Variants in ANKFN1 observed in about 807,000 individuals in gnomAD.
ANKFN1 encodes the protein ankyrin repeat and fibronectin type-III domain-containing protein 1.
A neutral mutation model predicts 108.7 loss-of-function variants in ANKFN1; 74 were observed. The ratio of observed to expected loss-of-function variants is 0.68; its 90% CI spans 0.56 to 0.83. ANKFN1 has a LOEUF of 0.83. Ranked by LOEUF, ANKFN1 falls within the 40% of genes least tolerant of loss-of-function variation. ANKFN1 has a pLI of 0.00. For synonymous variants in ANKFN1, 547 were observed against 516.2 expected (o/e 1.06, Z -0.81); for missense variants, 1,505 against 1,382.3 (o/e 1.09, Z -1.41).
At chr17:56,368,165 A>G (rs2046709106) in intron 6 of ANKFN1, 1 of 1,355,506 alleles carries the variant, frequency 7.4e-7, no homozygotes, top group Non-Finnish European at 9.8e-7. Flanking sequence ...ACTGATCCAG[A>G]GAATGAACCT....
chr17:56,103,679 A>C (rs1331041207), intron 4 of ANKFN1, among the ~76,000 whole-genome samples: 2 of 152,222 alleles, frequency 1.3e-5, no homozygotes, highest in Non-Finnish European at 1.5e-5. Context: ...TCTCAGGCTG[A>C]TGATAAGGAA....
intron 14 of ANKFN1, among the ~76,000 whole-genome samples, chr17:56,465,903 C>T (rs530359230): frequency 1.3e-5 from 2 of 152,270 alleles, no homozygotes; most frequent in African/African-American, 4.8e-5. Flanking sequence ...TGTCAATTCA[C>T]TTCTTCATTT....
chr17:56,262,894 C>A (rs1007667166), intron 3 of ANKFN1, among the ~76,000 whole-genome samples: 1 of 152,182 alleles, frequency 6.6e-6, no homozygotes, highest in Non-Finnish European at 1.5e-5. Flanking sequence ...ACTTTTCCCC[C>A]CTTTGTCTAT....
In ANKFN1 at chr17:56,510,696, G is replaced by A; in HGVS notation, c.2868G>A (p.Gln956=). Residue 956 remains glutamine (Q), a synonymous_variant, in exon 21 of 21, where the codon CAG becomes CAA. Coordinates refer to ENST00000682825, the MANE Select transcript of ANKFN1 (RefSeq NM_001370326.1). ...CTCTGGGGCCGGGCCAGGATCCCCA[G>A]GGCGAGGGCCCAAATCCCGATCACT... ...KTPLGPGQDP[Q]GEGPNPDHSC... 1 of 1,536,136 alleles carries A rather than the reference G, an allele frequency of 6.5e-7. No individual in the cohort carries two copies. The highest frequency in any genetic ancestry group is 1.2e-5 in the South Asian group (1 of 84,068).
intron 3 of ANKFN1, among the ~76,000 whole-genome samples, chr17:56,284,993 T>C (rs1156423049): frequency 6.6e-6 from 1 of 152,208 alleles, no homozygotes; most frequent in African/African-American, 2.4e-5. Context: ...ATGTAAAATA[T>C]ATGGCACAAG....
chr17:56,098,628 G>A (rs879277308), intron 4 of ANKFN1, among the ~76,000 whole-genome samples: 2 of 152,104 alleles, frequency 1.3e-5, no homozygotes, highest in Non-Finnish European at 2.9e-5. Context: ...ACCTAGAAAA[G>A]CACTTGGATC....
chr17:56,389,136 A>G (rs1182544789), intron 8 of ANKFN1, among the ~76,000 whole-genome samples: 2 of 152,212 alleles, frequency 1.3e-5, no homozygotes, highest in Non-Finnish European at 2.9e-5. Flanking sequence ...CTTTATACCT[A>G]ATAGCCAAAT....
At chr17:56,482,305 A>C (rs772971135) in intron 17 of ANKFN1, 51 bp from the exon 18 acceptor site, 3 of 1,465,446 alleles carry the variant, frequency 2.0e-6, no homozygotes, top group Non-Finnish European at 2.7e-6. Flanking sequence ...TGTTTATGTA[A>C]GTGCCATGTT....
chr17:56,090,238 T>C (rs1170196141), intron 4 of ANKFN1, among the ~76,000 whole-genome samples: 1 of 151,170 alleles, frequency 6.6e-6, no homozygotes, highest in Non-Finnish European at 1.5e-5. Flanking sequence ...GAGTAGCAGG[T>C]GCGGGTAAGT....
At chr17:56,227,992 T>TC in intron 3 of ANKFN1, 35 bp downstream of exon 3, 2 of 1,572,314 alleles carry the variant, frequency 1.3e-6, no homozygotes, top group Non-Finnish European at 1.7e-6. Flanking sequence ...GGTATCTACT[T>TC]CTCAGCTGTA....
At chr17:56,502,234 C>A (rs2051396625) in intron 20 of ANKFN1, among the ~76,000 whole-genome samples, 1 of 152,172 alleles carries the variant, frequency 6.6e-6, no homozygotes, top group South Asian at 2.1e-4. Flanking sequence ...CTTCTCTTGG[C>A]CACAGGGTTC....
chr17:56,284,838 AG>A (rs1200441634), intron 3 of ANKFN1, among the ~76,000 whole-genome samples: 2 of 152,166 alleles, frequency 1.3e-5, no homozygotes, highest in Non-Finnish European at 1.5e-5. Context: ...AGCCCTAAAG[AG>A]AGGCTTCATT....
intron 2 of ANKFN1, among the ~76,000 whole-genome samples, chr17:56,218,300 C>T (rs1395392186): frequency 6.8e-6 from 1 of 148,044 alleles, no homozygotes; most frequent in African/African-American, 2.5e-5. Context: ...ATAACTCCTT[C>T]TGACTATTCC....
At chr17:56,483,459 A>G (rs2050772926) in intron 18 of ANKFN1, among the ~76,000 whole-genome samples, 1 of 152,242 alleles carries the variant, frequency 6.6e-6, no homozygotes, top group Admixed American at 6.5e-5. Context: ...GGGCAACTGC[A>G]TCTGAATTTA....
intron 1 of ANKFN1, among the ~76,000 whole-genome samples, chr17:56,198,740 C>G (rs955609268): frequency 1.4e-4 from 21 of 152,110 alleles, no homozygotes; most frequent in African/African-American, 4.8e-4. Context: ...CCCCGCTGAT[C>G]TGTATTTTCT....
At chr17:56,467,924 G>A (rs1051068003) in intron 15 of ANKFN1, among the ~76,000 whole-genome samples, 9 of 152,310 alleles carry the variant, frequency 5.9e-5, no homozygotes, top group African/African-American at 1.4e-4. Flanking sequence ...AGGCAATTTA[G>A]TGAAGCTAAT....
intron 4 of ANKFN1, among the ~76,000 whole-genome samples, chr17:56,108,662 G>T (rs1309786094): frequency 6.6e-6 from 1 of 152,190 alleles, no homozygotes; most frequent in Non-Finnish European, 1.5e-5. Flanking sequence ...AGACTCCAGA[G>T]TTCTGGCAAA....
At chr17:56,320,819 C>T (rs1032291046) in intron 3 of ANKFN1, among the ~76,000 whole-genome samples, 4 of 152,058 alleles carry the variant, frequency 2.6e-5, no homozygotes, top group African/African-American at 9.7e-5. Flanking sequence ...TGGAAAATCC[C>T]ACATGATTAG....
At chr17:56,391,368 A>ATGTGTGTGTGTGTG (rs199687714) in intron 8 of ANKFN1, among the ~76,000 whole-genome samples, 1 of 128,714 alleles carries the variant, frequency 7.8e-6, no homozygotes, top group Non-Finnish European at 1.6e-5. Context: ...ACATATATAT[A>ATGTGTGTGTGTGTG]TGTGTGTGTG....
Sources: allele counts gnomAD v4.1 joint callset (sites outside exome capture counted in the v4.1 genomes callset), GRCh38; gene constraint gnomAD v4.1.1; transcripts MANE v1.5; gene names NCBI Gene and HGNC (gene_info 2026-07-23, HGNC 2026-07-21).